Variants in ZFHX3 observed in about 807,000 individuals in gnomAD.
ZFHX3 encodes zinc finger homeobox protein 3.
ZFHX3 carries 42 observed loss-of-function variants against 279.1 expected under a neutral mutation model. That is an observed-to-expected ratio of 0.15 (90% CI 0.12 to 0.19). The LOEUF is 0.19. Among genes scored for constraint, ZFHX3 ranks in the 10% least tolerant of loss-of-function variants. The pLI, the probability that ZFHX3 is intolerant of heterozygous loss-of-function variation, is 1.00. For synonymous variants in ZFHX3, 2,293 were observed against 1,957.8 expected (o/e 1.17, Z -4.52); for missense variants, 4,981 against 4,754.0 (o/e 1.05, Z -1.40).
chr16:73,585,141 G>T (rs1266693796), intron 2 of ZFHX3, among the ~76,000 whole-genome samples: 1 of 152,232 alleles, frequency 6.6e-6, no homozygotes, highest in African/African-American at 2.4e-5. Context: ...AAACAGGTCA[G>T]GTGCGGTGGC....
chr16:72,919,614 C>T (rs984481180), intron 3 of ZFHX3, among the ~76,000 whole-genome samples: 2 of 151,812 alleles, frequency 1.3e-5, no homozygotes, highest in Non-Finnish European at 1.5e-5. Context: ...CACATTCTAT[C>T]ACTAATGTGA....
intron 1 of ZFHX3, among the ~76,000 whole-genome samples, chr16:73,716,137 C>G (rs2053412195): frequency 6.6e-6 from 1 of 151,966 alleles, no homozygotes; most frequent in Non-Finnish European, 1.5e-5. Context: ...AGCCATGGCC[C>G]ACAAGAACCA....
chr16:73,254,610 T>G (rs28432915), intron 5 of ZFHX3, among the ~76,000 whole-genome samples: 103,416 of 151,762 alleles, frequency 0.68, 37,825 homozygotes, highest in South Asian at 0.87. Context: ...TGGCAGCATC[T>G]TATATAAGTC....
intron 5 of ZFHX3, chr16:73,233,960 G>A (rs1292170923): frequency 1.3e-5 from 2 of 152,324 alleles, no homozygotes; most frequent in Non-Finnish European, 2.9e-5. Context: ...ACCCAAATGA[G>A]GAGGAAATAA....
intron 1 of ZFHX3, among the ~76,000 whole-genome samples, chr16:73,680,729 T>C (rs141958260): frequency 2.9e-4 from 44 of 152,332 alleles, no homozygotes; most frequent in African/African-American, 7.5e-4. Flanking sequence ...GTGTATATCA[T>C]GGAATTCGTC....
intron 2 of ZFHX3, among the ~76,000 whole-genome samples, chr16:73,647,331 C>T (rs2052628632): frequency 6.6e-6 from 1 of 152,156 alleles, no homozygotes; most frequent in South Asian, 2.1e-4. Context: ...TTTGTGTCTC[C>T]ACCCAAATCT....
At chr16:73,811,980 A>G (rs1245693333) in intron 1 of ZFHX3, among the ~76,000 whole-genome samples, 1 of 152,158 alleles carries the variant, frequency 6.6e-6, no homozygotes, top group African/African-American at 2.4e-5. Flanking sequence ...TTCTCTTACT[A>G]TCACCATTTG....
chr16:73,201,340 C>T (rs538271948), intron 5 of ZFHX3, among the ~76,000 whole-genome samples: 74 of 152,274 alleles, frequency 4.9e-4, no homozygotes, highest in South Asian at 2.1e-3. Flanking sequence ...GTAGGGGAGT[C>T]AGATATTACT....
chr16:73,305,383 G>A (rs1746241770), intron 4 of ZFHX3, among the ~76,000 whole-genome samples: 1 of 152,000 alleles, frequency 6.6e-6, no homozygotes, highest in African/African-American at 2.4e-5. Context: ...TCATTGCCCT[G>A]GTAAGATACC....
intron 1 of ZFHX3, among the ~76,000 whole-genome samples, chr16:73,843,473 A>G (rs1961364843): frequency 1.3e-5 from 2 of 152,252 alleles, no homozygotes; most frequent in African/African-American, 2.4e-5. Context: ...CCAGTAGTCA[A>G]AGATGACAGG....
intron 3 of ZFHX3, among the ~76,000 whole-genome samples, chr16:72,925,111 T>C (rs942587146): frequency 6.6e-6 from 1 of 152,220 alleles, no homozygotes; most frequent in South Asian, 2.1e-4. Context: ...CATTGTACAA[T>C]CTGTGCTTTG....
chr16:73,422,120 C>T (rs577147978), intron 3 of ZFHX3, among the ~76,000 whole-genome samples: 13 of 152,278 alleles, frequency 8.5e-5, no homozygotes, highest in African/African-American at 2.6e-4. Context: ...TAAATCCAAG[C>T]ATCTTTTTCT....
chr16:73,496,614 C>G (rs143271151), intron 2 of ZFHX3, among the ~76,000 whole-genome samples: 6 of 152,310 alleles, frequency 3.9e-5, no homozygotes, highest in African/African-American at 1.2e-4. Flanking sequence ...CACCAATTAA[C>G]GAAGGATGGG....
At chr16:73,569,836 C>T (rs2051716244) in intron 2 of ZFHX3, among the ~76,000 whole-genome samples, 1 of 152,134 alleles carries the variant, frequency 6.6e-6, no homozygotes, top group South Asian at 2.1e-4. Context: ...ACAAGGAACC[C>T]ACTGTCGCTT....
chr16:73,645,279 G>A (rs907674898), intron 2 of ZFHX3, among the ~76,000 whole-genome samples: 1 of 151,830 alleles, frequency 6.6e-6, no homozygotes, highest in Admixed American at 6.6e-5. Flanking sequence ...TTATTGAGAC[G>A]GAGTCTCGCT....
intron 1 of ZFHX3, among the ~76,000 whole-genome samples, chr16:73,816,969 G>T (rs1960592321): frequency 6.6e-6 from 1 of 152,170 alleles, no homozygotes; most frequent in African/African-American, 2.4e-5. Context: ...CCTAGCATGA[G>T]ACATTGAAGG....
At chr16:73,221,675 A>G (rs1180458194) in intron 5 of ZFHX3, among the ~76,000 whole-genome samples, 1 of 152,158 alleles carries the variant, frequency 6.6e-6, no homozygotes, top group African/African-American at 2.4e-5. Context: ...TACATAAAGT[A>G]CTGTTTCTTT....
At chr16:73,192,085 G>A (rs1268927314) in intron 5 of ZFHX3, among the ~76,000 whole-genome samples, 1 of 152,104 alleles carries the variant, frequency 6.6e-6, no homozygotes, top group African/African-American at 2.4e-5. Flanking sequence ...ATTCCGAGGG[G>A]ATCTGGGGAC....
intron 2 of ZFHX3, among the ~76,000 whole-genome samples, chr16:73,550,159 C>T (rs923451573): frequency 2.0e-5 from 3 of 152,188 alleles, no homozygotes; most frequent in South Asian, 2.1e-4. Context: ...AGGAGTACTT[C>T]GGGGCTGGGC....
Sources: allele counts gnomAD v4.1 joint callset (sites outside exome capture counted in the v4.1 genomes callset), GRCh38; gene constraint gnomAD v4.1.1; transcripts MANE v1.5; gene names NCBI Gene and HGNC (gene_info 2026-07-23, HGNC 2026-07-21).